Variants in ANO10 observed in about 807,000 individuals in gnomAD.
ANO10 encodes anoctamin 10, also known as anoctamin-10.
A neutral mutation model predicts 74.7 loss-of-function variants in ANO10; 77 were observed. The observed-to-expected ratio is 1.03, with a 90% CI of 0.86 to 1.25. The LOEUF is 1.25. ANO10 is among the 50% of genes most tolerant of loss of function. The pLI is 0.00. For missense variants in ANO10, 721 were observed against 778.1 expected, an observed-to-expected ratio of 0.93 and a Z score of 0.87; for synonymous variants, 279 against 284.9, an observed-to-expected ratio of 0.98 and a Z score of 0.21.
At chr3:43,661,653 G>A (rs1454513731) in intron 1 of ANO10, among the ~76,000 whole-genome samples, 5 of 152,146 alleles carry the variant, frequency 3.3e-5, no homozygotes, top group Non-Finnish European at 7.3e-5. Context: ...GCTGTATTTA[G>A]GAGATCCATT....
Position 43,448,715 on chromosome 3 carries a change from G to T in ANO10, c.1798-15988C>A, listed in dbSNP as rs375701590. 6.1e-4 allele frequency among the ~76,000 whole-genome samples: 93 copies of T among 152,294 alleles called. 1 individual carries two copies. The South Asian group carries it at 0.019, about 32-fold the overall frequency. ...AACCCATTTGGGTAAATACCAAGGA[G>T]CATGGCTGCTAAATCATATGGTAAA... On this transcript the variant is annotated intron_variant, in intron 11 of 12. Transcript: ENST00000292246.
rs189190600 is a variant in ANO10 at position 43,460,417 on chromosome 3, C to G, written c.1798-27690G>C. ...CATGCACACACAAAATAGATCTTTA[C>G]TAAACAAATTAAGTGAACTTTCTTG... On this transcript the variant is annotated intron_variant, in intron 11 of 12. Coordinates refer to ENST00000292246, the MANE Select transcript of ANO10 (RefSeq NM_018075.5). Among the ~76,000 whole-genome samples, 4 of 152,326 alleles carry G rather than the reference C, an allele frequency of 2.6e-5. No homozygotes were observed. In the East Asian group the frequency reaches 7.7e-4, roughly 29 times the overall value.
intron 11 of ANO10, among the ~76,000 whole-genome samples, chr3:43,448,712 G>C (rs575677274): frequency 5.2e-4 from 79 of 152,278 alleles, no homozygotes; most frequent in Non-Finnish European, 1.0e-3. Context: ...TAAATACCAA[G>C]GAGCATGGCT....
chr3:43,426,747 GGAT>G (rs1461697268), intron 12 of ANO10, among the ~76,000 whole-genome samples: 1 of 152,194 alleles, frequency 6.6e-6, no homozygotes, highest in African/African-American at 2.4e-5. Context: ...GGCATCACTA[GGAT>G]GATATTTACT....
intron 12 of ANO10, chr3:43,372,840 C>T (rs963287859): frequency 1.3e-6 from 2 of 1,535,400 alleles, no homozygotes; most frequent in Non-Finnish European, 1.7e-6. Context: ...CAGCTTGCAG[C>T]TTGCAGCCTG....
intron 11 of ANO10, among the ~76,000 whole-genome samples, chr3:43,543,393 CTTTTT>C (rs748028575): frequency 3.3e-5 from 5 of 151,882 alleles, no homozygotes; most frequent in South Asian, 4.1e-4. Flanking sequence ...CTTTTCTTTT[CTTTTT>C]TATTTTTTTG....
At chr3:43,593,212 C>T (rs1222622607) in intron 4 of ANO10, among the ~76,000 whole-genome samples, 2 of 152,174 alleles carry the variant, frequency 1.3e-5, no homozygotes, top group African/African-American at 4.8e-5. Context: ...AGAACTTCCC[C>T]AACCTAGCAA....
chr3:43,418,340 A>G (rs1214543944), intron 12 of ANO10, among the ~76,000 whole-genome samples: 3 of 152,214 alleles, frequency 2.0e-5, no homozygotes, highest in Non-Finnish European at 2.9e-5. Flanking sequence ...AAAGGGCTAG[A>G]TCTTTATTGG....
intron 12 of ANO10, among the ~76,000 whole-genome samples, chr3:43,382,837 A>G (rs1345459256): frequency 2.0e-5 from 3 of 152,208 alleles, no homozygotes; most frequent in African/African-American, 7.2e-5. Flanking sequence ...AGAAATAGAA[A>G]CTCTGAACAG....
chr3:43,588,070 T>C (rs186761618), intron 4 of ANO10, among the ~76,000 whole-genome samples: 23 of 152,272 alleles, frequency 1.5e-4, no homozygotes, highest in African/African-American at 5.1e-4. Flanking sequence ...TGGTTTCATA[T>C]AGAAATTCTA....
intron 12 of ANO10, among the ~76,000 whole-genome samples, chr3:43,411,080 C>G (rs1197149116): frequency 6.6e-6 from 1 of 151,920 alleles, no homozygotes; most frequent in Non-Finnish European, 1.5e-5. Flanking sequence ...GCATTGAAAA[C>G]CAAATTATTA....
chr3:43,564,716 G>A (rs554370375), intron 8 of ANO10, among the ~76,000 whole-genome samples: 55 of 152,286 alleles, frequency 3.6e-4, no homozygotes, highest in African/African-American at 1.3e-3. Flanking sequence ...AGATTTACTA[G>A]GGATGAGTTA....
intron 11 of ANO10, among the ~76,000 whole-genome samples, chr3:43,511,739 G>A (rs535400868): frequency 6.6e-6 from 1 of 152,302 alleles, no homozygotes; most frequent in East Asian, 1.9e-4. Flanking sequence ...CTTCTCTCAA[G>A]AGAGAAAATG....
intron 1 of ANO10, among the ~76,000 whole-genome samples, chr3:43,630,316 G>A (rs1247387398): frequency 6.6e-6 from 1 of 152,068 alleles, no homozygotes; most frequent in Non-Finnish European, 1.5e-5. Flanking sequence ...TATTGAAACT[G>A]GATGAATTAA....
At chr3:43,605,889 A>G in intron 1 of ANO10, 26 bp from the exon 2 acceptor site, 2 of 1,609,788 alleles carry the variant, frequency 1.2e-6, no homozygotes, top group Non-Finnish European at 1.7e-6. Flanking sequence ...ATAAAGAGTG[A>G]AAATGGGTTG....
intron 12 of ANO10, among the ~76,000 whole-genome samples, chr3:43,393,922 T>A (rs1265304173): frequency 6.6e-6 from 1 of 151,950 alleles, no homozygotes; most frequent in African/African-American, 2.4e-5. Flanking sequence ...CAAGACCCCC[T>A]CTACCTGCTG....
chr3:43,431,077 C>CT (rs758157587), intron 12 of ANO10, among the ~76,000 whole-genome samples: 7,271 of 141,424 alleles, frequency 0.051, 451 homozygotes, highest in African/African-American at 0.15. Context: ...ATTTTCTTTT[C>CT]TTTTTTTTTT....
At chr3:43,431,428 C>A (rs1411235648) in intron 12 of ANO10, among the ~76,000 whole-genome samples, 2 of 151,818 alleles carry the variant, frequency 1.3e-5, no homozygotes, top group Admixed American at 1.3e-4. Flanking sequence ...GAACTTATCT[C>A]TTCCTCTTAT....
At chr3:43,587,056 A>T (rs2081511805) in intron 4 of ANO10, among the ~76,000 whole-genome samples, 1 of 152,174 alleles carries the variant, frequency 6.6e-6, no homozygotes, top group East Asian at 1.9e-4. Context: ...TTTTTCCTGA[A>T]ATCATGGTAA....
Sources: allele counts gnomAD v4.1 joint callset (sites outside exome capture counted in the v4.1 genomes callset), GRCh38; gene constraint gnomAD v4.1.1; transcripts MANE v1.5; gene names NCBI Gene and HGNC (gene_info 2026-07-23, HGNC 2026-07-21).